Variants in TGFBR2 observed in about 807,000 individuals in gnomAD.
TGFBR2 encodes the protein transforming growth factor beta receptor 2.
In TGFBR2, 18 loss-of-function variants were observed where a neutral mutation model predicts 49.0. That is an observed-to-expected ratio of 0.37 (90% CI 0.25 to 0.54). The LOEUF (loss-of-function observed/expected upper bound fraction) is 0.54, where lower values mean the gene tolerates loss of function less well. Among genes scored for constraint, TGFBR2 ranks in the 20% least tolerant of loss-of-function variants. The pLI, the probability that TGFBR2 is intolerant of heterozygous loss-of-function variation, is 0.85. For missense variants in TGFBR2, 525 were observed against 722.6 expected (o/e 0.73, Z 3.13); for synonymous variants, 282 against 275.9 (o/e 1.02, Z -0.22).
chr3:30,622,883 A>G, intron 1 of TGFBR2, among the ~76,000 whole-genome samples: 1 of 77,552 alleles, frequency 1.3e-5, no homozygotes, highest in South Asian at 4.3e-4. Context: ...TTGTCTCAAA[A>G]AAAAAAAAAA....
At chr3:30,613,628 A>G (rs1289198052) in intron 1 of TGFBR2, among the ~76,000 whole-genome samples, 2 of 152,108 alleles carry the variant, frequency 1.3e-5, no homozygotes, top group African/African-American at 2.4e-5. Context: ...TGGAGCAGGC[A>G]GGGGGGAGGA....
rs12637406 is a variant in TGFBR2 at position 30,690,693 on chromosome 3, A to G, written c.1525-727A>G. ...TGGAAAAGGCAAAAACTACAGAGAC[A>G]GTACAAAATCAGTGGCTGCCAGAAA... is the stretch of plus-strand genomic sequence containing the variant. On this transcript the variant is annotated intron_variant, in intron 6 of 6. Transcript: ENST00000295754. 0.028 allele frequency among the ~76,000 whole-genome samples: 4,211 copies of G among 152,310 alleles called. 409 individuals carry two copies. In the East Asian group the frequency reaches 0.35, roughly 13 times the overall value.
intron 5 of TGFBR2, among the ~76,000 whole-genome samples, chr3:30,674,693 T>C (rs1362262714): frequency 1.3e-5 from 2 of 151,730 alleles, no homozygotes; most frequent in Non-Finnish European, 2.9e-5. Context: ...TGACATTGTT[T>C]TATTGGGCAA....
chr3:30,632,906 G>A (rs1365497179), intron 1 of TGFBR2, among the ~76,000 whole-genome samples: 3 of 152,170 alleles, frequency 2.0e-5, no homozygotes, highest in Non-Finnish European at 4.4e-5. Context: ...TCACCAAGCT[G>A]ACCTTATTAT....
rs934565032 is a variant in TGFBR2 at position 30,648,616 on chromosome 3, G to C, written c.264-1654G>C. ...CAACTTTCATTTAGTTTCATTTGGTGTCCTGATAGCCACCCTCAACCAATT... is the reference window on the plus strand; with the variant it reads ...CAACTTTCATTTAGTTTCATTTGGTCTCCTGATAGCCACCCTCAACCAATT... On this transcript the variant is annotated intron_variant, in intron 2 of 6. Transcript: ENST00000295754. 2.0e-5 allele frequency among the ~76,000 whole-genome samples: 3 copies of C among 152,122 alleles called. No homozygotes were observed. In the South Asian group the frequency reaches 6.2e-4, roughly 32 times the overall value.
At position 30,636,577 on chromosome 3, in the gene TGFBR2, A is replaced by T. The variant is rs115345689; in HGVS notation, c.95-8170A>T. ...AGTACAGAAAAATAATAGAAAATTCAAAAGTAACAGAAGGGTATGAAATAA... is the reference window on the plus strand; with the variant it reads ...AGTACAGAAAAATAATAGAAAATTCTAAAGTAACAGAAGGGTATGAAATAA... On this transcript the variant is annotated intron_variant, in intron 1 of 6. Transcript: ENST00000295754. Among the ~76,000 whole-genome samples the T allele has an allele frequency of 9.7e-3, 1,471 of 152,318 alleles. 23 individuals are homozygous for T. Among genetic ancestry groups the T allele is most frequent in the African/African-American group, 0.034 (1,411 of 41,554 alleles).
intron 1 of TGFBR2, among the ~76,000 whole-genome samples, chr3:30,612,453 G>T (rs917049918): frequency 6.6e-6 from 1 of 151,970 alleles, no homozygotes; most frequent in Non-Finnish European, 1.5e-5. Flanking sequence ...GAGAGGGGAA[G>T]CTTACCATCT....
intron 5 of TGFBR2, among the ~76,000 whole-genome samples, chr3:30,680,134 C>A (rs1334201863): frequency 6.8e-6 from 1 of 147,576 alleles, no homozygotes; most frequent in Non-Finnish European, 1.5e-5. Flanking sequence ...CCCCCGCCCC[C>A]CAAAAAAAAT....
intron 3 of TGFBR2, among the ~76,000 whole-genome samples, chr3:30,653,745 G>C (rs188952038): frequency 6.6e-6 from 1 of 152,166 alleles, no homozygotes; most frequent in African/African-American, 2.4e-5. Flanking sequence ...AAAAAGTTGA[G>C]CCACAAGATT....
intron 3 of TGFBR2, among the ~76,000 whole-genome samples, chr3:30,663,119 A>G (rs764610988): frequency 2.0e-5 from 3 of 152,214 alleles, no homozygotes; most frequent in Non-Finnish European, 2.9e-5. Flanking sequence ...ACAGAAAATG[A>G]TGGCAAGATC....
intron 4 of TGFBR2, among the ~76,000 whole-genome samples, chr3:30,673,464 T>G (rs1014293880): frequency 6.6e-6 from 1 of 152,236 alleles, no homozygotes; most frequent in Non-Finnish European, 1.5e-5. Flanking sequence ...ATATTATCAG[T>G]CATAGAGATT....
At chr3:30,650,839 G>A (rs1698869602) in intron 3 of TGFBR2, among the ~76,000 whole-genome samples, 2 of 152,174 alleles carry the variant, frequency 1.3e-5, no homozygotes, top group Non-Finnish European at 2.9e-5. Flanking sequence ...ATTTTAACAA[G>A]CCCTCCCAGT....
intron 1 of TGFBR2, among the ~76,000 whole-genome samples, chr3:30,608,346 T>A (rs1165226931): frequency 6.6e-6 from 1 of 152,172 alleles, no homozygotes; most frequent in Admixed American, 6.5e-5. Context: ...CTTAGTTTCC[T>A]CATCTGTAAA....
At chr3:30,618,608 G>A (rs953737563) in intron 1 of TGFBR2, among the ~76,000 whole-genome samples, 1 of 152,098 alleles carries the variant, frequency 6.6e-6, no homozygotes, top group African/African-American at 2.4e-5. Flanking sequence ...CTCACAGATT[G>A]CCTTGACATA....
chr3:30,632,570 C>G (rs1461804981), intron 1 of TGFBR2, among the ~76,000 whole-genome samples: 2 of 152,178 alleles, frequency 1.3e-5, no homozygotes, highest in Non-Finnish European at 2.9e-5. Context: ...TTTTAGAAGT[C>G]ATCAAACTGC....
At chr3:30,647,560 TTTCATTCATTCATTCA>T (rs139204908) in intron 2 of TGFBR2, among the ~76,000 whole-genome samples, 12 of 151,406 alleles carry the variant, frequency 7.9e-5, no homozygotes, top group Admixed American at 7.2e-4. Flanking sequence ...TTTAGTGTTT[TTTCATTCATTCATTCA>T]TTCATTCATT....
chr3:30,653,455 T>G (rs924801729), intron 3 of TGFBR2, among the ~76,000 whole-genome samples: 4 of 152,050 alleles, frequency 2.6e-5, no homozygotes, highest in African/African-American at 9.7e-5. Context: ...TTTCACCATG[T>G]TGATCAGGCT....
At chr3:30,690,835 C>T (rs1383177142) in intron 6 of TGFBR2, among the ~76,000 whole-genome samples, 1 of 152,020 alleles carries the variant, frequency 6.6e-6, no homozygotes, top group East Asian at 1.9e-4. Flanking sequence ...TTGTCAAAAC[C>T]CCTGGAATAT....
At chr3:30,661,690 A>G (rs891671937) in intron 3 of TGFBR2, 3 of 434,566 alleles carry the variant, frequency 6.9e-6, no homozygotes, top group Non-Finnish European at 1.4e-5. Flanking sequence ...AAGAATCAAA[A>G]CAAAACAGAA....
Sources: allele counts gnomAD v4.1 joint callset (sites outside exome capture counted in the v4.1 genomes callset), GRCh38; gene constraint gnomAD v4.1.1; transcripts MANE v1.5; gene names NCBI Gene and HGNC (gene_info 2026-07-23, HGNC 2026-07-21).